The following PLXNA4 variants were observed in gnomAD, a reference collection of about 807,000 sequenced individuals.
The protein encoded by PLXNA4 is plexin-A4.
Under a neutral mutation model 191.8 loss-of-function variants are expected in PLXNA4, and 44 were observed. The ratio of observed to expected loss-of-function variants is 0.23; its 90% CI spans 0.18 to 0.29. The LOEUF is 0.29. PLXNA4 is among the 10% of genes least tolerant of loss of function. The probability of loss-of-function intolerance (pLI) is 1.00; values close to 1 mark genes in which losing one functional copy is unlikely to be tolerated. For missense variants in PLXNA4, 1,800 were observed against 2,488.8 expected (o/e 0.72, Z 5.89); for synonymous variants, 1,082 against 1,009.5 (o/e 1.07, Z -1.36).
chr7:132,405,058 A>ATGTGTGTG (rs1056382602), intron 3 of PLXNA4, among the ~76,000 whole-genome samples: 1 of 66,812 alleles, frequency 1.5e-5, no homozygotes, highest in East Asian at 5.3e-4. Context: ...AGCTGAGGGT[A>ATGTGTGTG]TGTGTGTGTG....
intron 3 of PLXNA4, among the ~76,000 whole-genome samples, chr7:132,393,190 A>ACC (rs747385813): frequency 4.2e-5 from 4 of 95,182 alleles, no homozygotes; most frequent in African/African-American, 9.1e-5. Flanking sequence ...GACCCCCAAC[A>ACC]CCCCCCCCCA....
Position 132,352,715 on chromosome 7 carries a change from C to T in PLXNA4, c.1372-54493G>A, listed in dbSNP as rs143362291. Among the ~76,000 whole-genome samples the T allele has an allele frequency of 5.0e-4, 76 of 152,238 alleles. 1 individual carries two copies. In the East Asian group the frequency reaches 0.015, roughly 29 times the overall value. On this transcript the variant is annotated intron_variant, in intron 3 of 31. Transcript: ENST00000321063. ...TTCTCAAAGCTGCAGCATCCTCCTACGTAAAATAGGAACACGCTTTCCTTC... is the reference window on the plus strand; with the variant it reads ...TTCTCAAAGCTGCAGCATCCTCCTATGTAAAATAGGAACACGCTTTCCTTC...
chr7:132,259,466 A>AAAAAAAAAAAAAAAAAAAAAAAAAAAG (rs1799552596), intron 4 of PLXNA4, among the ~76,000 whole-genome samples: 1 of 135,188 alleles, frequency 7.4e-6, no homozygotes, highest in Non-Finnish European at 1.6e-5. Context: ...AAAAAAAAAA[A>AAAAAAAAAAAAAAAAAAAAAAAAAAAG]AAAAAAAGAA....
Position 132,494,899 on chromosome 7 carries a change from C to T in PLXNA4, c.1189-5425G>A, listed in dbSNP as rs1161052209. On this transcript the variant is annotated intron_variant, in intron 2 of 31. Coordinates refer to ENST00000321063, the MANE Select transcript of PLXNA4 (RefSeq NM_020911.2). ...CAAAGCCACTGCCACTGCCCAAGGA[C>T]CCCAGAAGTGCCTGGTAGTCTCTGT... is the stretch of plus-strand genomic sequence containing the variant. Among the ~76,000 whole-genome samples the T allele has an allele frequency of 2.0e-5, 3 of 152,284 alleles. No individual in the cohort carries two copies. In the East Asian group the frequency reaches 5.8e-4, roughly 29 times the overall value.
intron 2 of PLXNA4, among the ~76,000 whole-genome samples, chr7:132,583,031 AG>A (rs1352523639): frequency 2.0e-5 from 3 of 152,232 alleles, no homozygotes; most frequent in Non-Finnish European, 2.9e-5. Context: ...GAGGCTTGAA[AG>A]CATCCACAAA....
intron 2 of PLXNA4, among the ~76,000 whole-genome samples, chr7:132,501,722 G>A (rs1798265418): frequency 6.6e-6 from 1 of 152,252 alleles, no homozygotes; most frequent in African/African-American, 2.4e-5. Context: ...ATCTCCGAGA[G>A]AGTGGGAAGA....
rs563783379 is a variant in PLXNA4, at chr7:132,163,812, G to A, written c.4500+330C>T. On this transcript the variant is annotated intron_variant, in intron 24 of 31. Coordinates refer to ENST00000321063, the MANE Select transcript of PLXNA4 (RefSeq NM_020911.2). ...CCTGCACGGACCTCTTCTGTAAAGC[G>A]TTGACTCTAAGCTGGGAGGACAGAA... Among the ~76,000 whole-genome samples the A allele has an allele frequency of 9.2e-5, 14 of 152,280 alleles. No individual in the cohort carries two copies. The East Asian group carries it at 1.4e-3, about 15-fold the overall frequency.
intron 3 of PLXNA4, among the ~76,000 whole-genome samples, chr7:132,340,497 C>T (rs1802985564): frequency 6.6e-6 from 1 of 152,188 alleles, no homozygotes; most frequent in South Asian, 2.1e-4. Context: ...ACCTTCCTGT[C>T]CCTGTCCCCA....
At chr7:132,513,608 C>T (rs1414051287) in intron 1 of PLXNA4, among the ~76,000 whole-genome samples, 1 of 152,152 alleles carries the variant, frequency 6.6e-6, no homozygotes, top group African/African-American at 2.4e-5. Flanking sequence ...TTTCAAAATT[C>T]ACGTCACAAC....
At chr7:132,300,057 G>A (rs1801246413) in intron 3 of PLXNA4, among the ~76,000 whole-genome samples, 1 of 152,236 alleles carries the variant, frequency 6.6e-6, no homozygotes, top group Admixed American at 6.5e-5. Flanking sequence ...CCTGACATTG[G>A]GACTTCCTAG....
chr7:132,346,090 T>G (rs1803236184), intron 3 of PLXNA4, among the ~76,000 whole-genome samples: 1 of 152,230 alleles, frequency 6.6e-6, no homozygotes, highest in Non-Finnish European at 1.5e-5. Flanking sequence ...GACTTAACCT[T>G]GTTCCCGCAG....
intron 3 of PLXNA4, among the ~76,000 whole-genome samples, chr7:132,368,212 C>T (rs75478648): frequency 4.6e-4 from 70 of 152,162 alleles, no homozygotes; most frequent in South Asian, 8.3e-4. Flanking sequence ...GAAGGGAGAA[C>T]GAAGGGCATT....
chr7:132,274,141 T>C (rs1800182490), intron 4 of PLXNA4, among the ~76,000 whole-genome samples: 1 of 152,036 alleles, frequency 6.6e-6, no homozygotes, highest in African/African-American at 2.4e-5. Flanking sequence ...GGTGACAGAA[T>C]ACAGGTCAGT....
At chr7:132,240,525 A>C (rs1460634469) in intron 5 of PLXNA4, among the ~76,000 whole-genome samples, 1 of 152,236 alleles carries the variant, frequency 6.6e-6, no homozygotes, top group East Asian at 1.9e-4. Context: ...GTTTGGCAGC[A>C]GTGGGAGGGT....
chr7:132,530,120 T>C (rs1312202891), intron 1 of PLXNA4, among the ~76,000 whole-genome samples: 1 of 152,134 alleles, frequency 6.6e-6, no homozygotes, highest in Non-Finnish European at 1.5e-5. Context: ...ATCATTATTA[T>C]TAATAGACAG....
intron 1 of PLXNA4, among the ~76,000 whole-genome samples, chr7:132,557,952 A>G (rs1442254418): frequency 6.6e-6 from 1 of 152,194 alleles, no homozygotes; most frequent in Admixed American, 6.5e-5. Context: ...AGAGAGAGAC[A>G]ATCAAACAAC....
chr7:132,497,470 G>A (rs1040052978), intron 2 of PLXNA4, among the ~76,000 whole-genome samples: 1 of 152,148 alleles, frequency 6.6e-6, no homozygotes, highest in Non-Finnish European at 1.5e-5. Flanking sequence ...CCACAGGGAG[G>A]TAGAAATATC....
At chr7:132,463,104 G>C (rs1796576344) in intron 3 of PLXNA4, among the ~76,000 whole-genome samples, 1 of 152,042 alleles carries the variant, frequency 6.6e-6, no homozygotes. Context: ...CCCCCCTTCA[G>C]CCTCTCAAAG....
chr7:132,305,641 G>A (rs983044234), intron 3 of PLXNA4, among the ~76,000 whole-genome samples: 1 of 152,182 alleles, frequency 6.6e-6, no homozygotes, highest in Non-Finnish European at 1.5e-5. Flanking sequence ...GGAGCTCCTG[G>A]CAGCTGCTTG....
Sources: allele counts gnomAD v4.1 joint callset (sites outside exome capture counted in the v4.1 genomes callset), GRCh38; gene constraint gnomAD v4.1.1; transcripts MANE v1.5; gene names NCBI Gene and HGNC (gene_info 2026-07-23, HGNC 2026-07-21).